Variants in VSX2 observed in about 807,000 individuals in gnomAD.
VSX2 encodes the protein visual system homeobox 2, also known as ceh-10 homeo domain containing homolog.
A neutral mutation model predicts 32.1 loss-of-function variants in VSX2; 28 were observed. The observed-to-expected ratio is 0.87, with a 90% confidence interval of 0.65 to 1.20. VSX2 has a LOEUF of 1.20. VSX2 is among the 50% of genes most tolerant of loss of function. The probability of loss-of-function intolerance (pLI) is 0.00; values close to 1 mark genes in which losing one functional copy is unlikely to be tolerated. For missense variants in VSX2, 506 were observed against 488.7 expected (o/e 1.04, Z -0.33); for synonymous variants, 243 against 214.1 (o/e 1.14, Z -1.18).
rs1388776244 is a variant in VSX2 at position 74,262,476 on chromosome 14, T to C, written c.*1557T>C. 3 of 152,262 alleles carry C rather than the reference T, an allele frequency of 2.0e-5. No homozygotes were observed. The highest frequency in any genetic ancestry group is 2.9e-5 in the Non-Finnish European group (2 of 68,042). 9.4% of individuals were successfully genotyped at this position (152,262 alleles called of 1,614,324 possible). On this transcript the variant is annotated 3_prime_UTR_variant, in exon 5 of 5. Transcript: ENST00000261980. ...AGTGCGTTGCAACTTTTTAATTCCATATCAAAAGTTGATTTCTTCTTCATT... is the reference window on the plus strand; with the variant it reads ...AGTGCGTTGCAACTTTTTAATTCCACATCAAAAGTTGATTTCTTCTTCATT...
At chr14:74,246,780 T>C (rs1039774461) in intron 3 of VSX2, among the ~76,000 whole-genome samples, 1 of 152,112 alleles carries the variant, frequency 6.6e-6, no homozygotes, top group Non-Finnish European at 1.5e-5. Flanking sequence ...AATGAAGGAA[T>C]AGCTTGTCTC....
chr14:74,248,746 A>T (rs962585506), intron 3 of VSX2, among the ~76,000 whole-genome samples: 1 of 152,182 alleles, frequency 6.6e-6, no homozygotes, highest in East Asian at 1.9e-4. Context: ...TGGAATGGAA[A>T]GGTTATTGAA....
chr14:74,248,334 T>TAAAAAAAAAAAAAA (rs781035795), intron 3 of VSX2, among the ~76,000 whole-genome samples: 9 of 84,706 alleles, frequency 1.1e-4, no homozygotes, highest in East Asian at 6.6e-4. Flanking sequence ...GAGACCAGGC[T>TAAAAAAAAAAAAAA]AAAAAAAAAA....
chr14:74,241,366 G>T, intron 2 of VSX2, 100 bp downstream of exon 2: 3 of 1,325,750 alleles, frequency 2.3e-6, no homozygotes, highest in South Asian at 2.4e-5. Context: ...GCCGACAACG[G>T]ATCTGAGGTC....
At chr14:74,242,025 G>C (rs2079153439) in intron 2 of VSX2, among the ~76,000 whole-genome samples, 1 of 152,136 alleles carries the variant, frequency 6.6e-6, no homozygotes, top group South Asian at 2.1e-4. Context: ...ATGCCGACAG[G>C]TATATCTTGA....
chr14:74,251,654 A>G (rs1385082917), intron 3 of VSX2, among the ~76,000 whole-genome samples: 1 of 152,114 alleles, frequency 6.6e-6, no homozygotes. Flanking sequence ...GGGGTGAGGA[A>G]GGAAATGGAA....
At chr14:74,244,909 T>TGAGAGAGAGAAAGAGAGAGAGAAA (rs2079175709) in intron 2 of VSX2, among the ~76,000 whole-genome samples, 6 of 108,616 alleles carry the variant, frequency 5.5e-5, no homozygotes, top group African/African-American at 2.1e-4. Flanking sequence ...TGTGTGTGTG[T>TGAGAGAGAGAAAGAGAGAGAGAAA]GTGTGTGTGT....
intron 3 of VSX2, 117 bp downstream of exon 3, chr14:74,245,405 C>A (rs990843783): frequency 1.4e-6 from 2 of 1,410,804 alleles, no homozygotes; most frequent in Admixed American, 1.9e-5. Context: ...CATGTGCTTG[C>A]CTATGATCAT....
chr14:74,254,784 A>ATTTTGTTTTTTTTTTTTTTTTTTTTTTTT (rs2079252186), intron 3 of VSX2, among the ~76,000 whole-genome samples: 2 of 116,644 alleles, frequency 1.7e-5, no homozygotes, highest in South Asian at 3.0e-4. Flanking sequence ...CGAAAAGTGG[A>ATTTTGTTTTTTTTTTTTTTTTTTTTTTTT]TTTTTTTTTT....
intron 2 of VSX2, among the ~76,000 whole-genome samples, chr14:74,242,592 A>C (rs888346087): frequency 6.8e-5 from 10 of 147,004 alleles, no homozygotes; most frequent in Non-Finnish European, 1.2e-4. Flanking sequence ...GAAAAAGAAA[A>C]ATTTTTTTGG....
At chr14:74,254,389 C>T (rs745700674) in intron 3 of VSX2, among the ~76,000 whole-genome samples, 26 of 151,294 alleles carry the variant, frequency 1.7e-4, no homozygotes, top group Non-Finnish European at 3.2e-4. Flanking sequence ...CCAGCCTGGG[C>T]GACAGACAGA....
chr14:74,253,871 G>A lies in VSX2; in HGVS notation c.580-5731G>A, dbSNP rs139202541. Among the ~76,000 whole-genome samples, 421 of 152,142 alleles carry A rather than the reference G, an allele frequency of 2.8e-3. 4 individuals carry two copies. Among genetic ancestry groups the A allele is most frequent in the African/African-American group, 9.5e-3 (396 of 41,530 alleles). On this transcript the variant is annotated intron_variant, in intron 3 of 4. Coordinates refer to ENST00000261980, the MANE Select transcript of VSX2 (RefSeq NM_182894.3). ...CTCGAATCTGGGAGGTAGAGGTTGCGGTGAGCTGAGATCGCGCCATTGCAC... is the reference window on the plus strand; with the variant it reads ...CTCGAATCTGGGAGGTAGAGGTTGCAGTGAGCTGAGATCGCGCCATTGCAC...
rs866764561 is a variant in VSX2, at chr14:74,245,024, G to C, written c.456-141G>C. 61 of 883,004 alleles carry C rather than the reference G, an allele frequency of 6.9e-5. No individual in the cohort carries two copies. In the African/African-American group the frequency reaches 9.5e-4, roughly 14 times the overall value. 54.7% of individuals were successfully genotyped at this position (883,004 alleles called of 1,614,324 possible). A position where few individuals can be genotyped will look rare whatever the true frequency, so the allele number is the denominator to read the frequency against. On this transcript the variant is annotated intron_variant, in intron 2 of 4. Coordinates refer to ENST00000261980, the MANE Select transcript of VSX2 (RefSeq NM_182894.3). Reference sequence around the variant, plus strand: ...AGAGAGAGACAGAGAGAGAGAGAGAGAGAGAATTTGTGTCCTATTGTGCTG... The same window carrying C: ...AGAGAGAGACAGAGAGAGAGAGAGACAGAGAATTTGTGTCCTATTGTGCTG...
Position 74,245,214 on chromosome 14 carries a change from G to T in VSX2, c.505G>T (p.Glu169Ter). 1.2e-6 allele frequency: 2 copies of T among 1,613,664 alleles called. No individual in the cohort carries two copies. Among genetic ancestry groups the T allele is most frequent in the Non-Finnish European group, 1.7e-6 (2 of 1,179,928 alleles). ...QLEELEKAFN[E>*]AHYPDVYARE... is the part of the protein sequence containing the mutation. ...AGAGGAGCTGGAGAAGGCATTCAACGAAGCCCACTACCCAGACGTCTATGC... is the reference window on the plus strand; with the variant it reads ...AGAGGAGCTGGAGAAGGCATTCAACTAAGCCCACTACCCAGACGTCTATGC... Residue 169 changes from glutamate to a stop codon, truncating the protein, a stop_gained, in exon 3 of 5, where the codon GAA becomes TAA. Coordinates refer to ENST00000261980, the MANE Select transcript of VSX2 (RefSeq NM_182894.3). LOFTEE classifies it high-confidence loss of function.
intron 3 of VSX2, among the ~76,000 whole-genome samples, chr14:74,249,455 A>G (rs747087809): frequency 2.6e-5 from 4 of 152,056 alleles, no homozygotes; most frequent in Non-Finnish European, 4.4e-5. Context: ...ATTTTTAGAG[A>G]GACGAGTTTT....
In VSX2 at chr14:74,239,678, C is replaced by A. The variant is rs747878344; in HGVS notation, c.117C>A (p.Gly39=). ...CTGFGIQEIL[G]LNKEPPSSHP... ...GGTTCGGCATCCAGGAGATCCTGGG[C>A]TTGAACAAGGAGCCCCCGAGCTCCC... Residue 39 remains glycine, a synonymous_variant, in exon 1 of 5, where the codon GGC becomes GGA. Coordinates refer to ENST00000261980, the MANE Select transcript of VSX2 (RefSeq NM_182894.3). 7.7e-6 allele frequency: 12 copies of A among 1,550,444 alleles called. No homozygotes were observed. The African/African-American group carries it at 1.5e-4, about 19-fold the overall frequency.
chr14:74,252,640 C>T (rs904655614), intron 3 of VSX2, among the ~76,000 whole-genome samples: 1 of 151,836 alleles, frequency 6.6e-6, no homozygotes, highest in Admixed American at 6.6e-5. Flanking sequence ...CCACCCGACT[C>T]GGCCTCCAAA....
chr14:74,256,255 A>C lies in VSX2; in HGVS notation c.580-3347A>C, dbSNP rs756834658. Among the ~76,000 whole-genome samples, 7 of 152,306 alleles carry C rather than the reference A, an allele frequency of 4.6e-5. No homozygotes were observed. The East Asian group carries it at 1.2e-3, about 25-fold the overall frequency. ...AGACCAGCCTGACCAACAAGGTGAA[A>C]TCTCGTCCCTACTAAAAATACAAAA... is the stretch of plus-strand genomic sequence containing the variant. On this transcript the variant is annotated intron_variant, in intron 3 of 4. Transcript: ENST00000261980.
At chr14:74,252,647 C>T (rs1253300168) in intron 3 of VSX2, among the ~76,000 whole-genome samples, 1 of 151,832 alleles carries the variant, frequency 6.6e-6, no homozygotes, top group Admixed American at 6.6e-5. Context: ...ACTCGGCCTC[C>T]AAAAGTGCTA....
Sources: allele counts gnomAD v4.1 joint callset (sites outside exome capture counted in the v4.1 genomes callset), GRCh38; gene constraint gnomAD v4.1.1; transcripts MANE v1.5; gene names NCBI Gene and HGNC (gene_info 2026-07-23, HGNC 2026-07-21).